Variants in ARHGEF7 observed in about 807,000 individuals in gnomAD.
The protein encoded by ARHGEF7 is PAK-interacting exchange factor beta.
A neutral mutation model predicts 109.8 loss-of-function variants in ARHGEF7; 33 were observed. The observed-to-expected ratio is 0.30, with a 90% CI of 0.23 to 0.40. The LOEUF is 0.40. Among genes scored for constraint, ARHGEF7 ranks in the 10% least tolerant of loss-of-function variants. The pLI, the probability that ARHGEF7 is intolerant of heterozygous loss-of-function variation, is 1.00. For synonymous variants in ARHGEF7, 458 were observed against 424.6 expected, an observed-to-expected ratio of 1.08 and a Z score of -0.97; for missense variants, 938 against 1,098.5, an observed-to-expected ratio of 0.85 and a Z score of 2.07.
intron 6 of ARHGEF7, chr13:111,241,421 G>A (rs2153541070): frequency 7.0e-7 from 1 of 1,428,052 alleles, no homozygotes. Context: ...GCTGGAGTCA[G>A]GGAGCCAGGC....
At chr13:111,279,450 G>GT (rs2092667795) in intron 13 of ARHGEF7, among the ~76,000 whole-genome samples, 1 of 152,170 alleles carries the variant, frequency 6.6e-6, no homozygotes, top group Admixed American at 6.6e-5. Context: ...GTGGGGGCAC[G>GT]TTCCCCACAC....
At position 111,303,082 on chromosome 13, in the gene ARHGEF7, A is replaced by T; in HGVS notation, c.2558A>T (p.Asn853Ile). 5 of 1,613,802 alleles carry T rather than the reference A, an allele frequency of 3.1e-6. No individual in the cohort carries two copies. The highest frequency in any genetic ancestry group is 3.4e-6 in the Non-Finnish European group (4 of 1,179,796). The change falls in exon 22 of 22, where the codon AAT (asparagine) becomes ATT (isoleucine). Residue 853 changes from asparagine (N) to isoleucine (I), a missense_variant. Physicochemically the swap from Asn to Ile is moderately radical, Grantham distance 149. This residue lies in a region of ARHGEF7 where 166 missense variants were observed against 167.3 expected (regional missense o/e 0.99). Coordinates refer to ENST00000646102, the MANE Select transcript of ARHGEF7 (RefSeq NM_001354046.2). Reference protein sequence around the residue: ...KLVRKVLKNMNDPAWDETNL With the variant: ...KLVRKVLKNMIDPAWDETNL Reference sequence around the variant, plus strand: ...GTGAGGAAAGTCCTGAAGAACATGAATGATCCTGCCTGGGATGAGACCAAT... The same window carrying T: ...GTGAGGAAAGTCCTGAAGAACATGATTGATCCTGCCTGGGATGAGACCAAT...
chr13:111,128,710 T>C (rs531692876), intron 1 of ARHGEF7, among the ~76,000 whole-genome samples: 1 of 152,148 alleles, frequency 6.6e-6, no homozygotes, highest in East Asian at 1.9e-4. Flanking sequence ...ACATGTACAC[T>C]CTCAGCAACA....
At chr13:111,288,530 C>G in intron 18 of ARHGEF7, 87 bp downstream of exon 18, 2 of 1,030,616 alleles carry the variant, frequency 1.9e-6, no homozygotes, top group Non-Finnish European at 2.9e-6. Context: ...TTGTGGTAGG[C>G]CCCTTGCACA....
chr13:111,298,062 A>G (rs2093465963), intron 19 of ARHGEF7, among the ~76,000 whole-genome samples: 1 of 152,252 alleles, frequency 6.6e-6, no homozygotes, highest in African/African-American at 2.4e-5. Context: ...GGACAACTGG[A>G]TAATTGGTGG....
chr13:111,134,194 G>T (rs1310557754), intron 1 of ARHGEF7, among the ~76,000 whole-genome samples: 1 of 152,090 alleles, frequency 6.6e-6, no homozygotes, highest in African/African-American at 2.4e-5. Context: ...GTCTATCATT[G>T]TTGGATATTT....
rs1192630081 is a variant in ARHGEF7 at position 111,266,092 on chromosome 13, C to T, written c.951-1456C>T. Among the ~76,000 whole-genome samples, 1 of 152,106 alleles carries T rather than the reference C, an allele frequency of 6.6e-6. No homozygotes were observed. The highest frequency in any genetic ancestry group is 1.5e-5 in the Non-Finnish European group (1 of 68,016). ...TTTTGCATTCCTCTGTCATTTTGGTCACGTACCTGCTCTGGGAACTTCCCG... is the reference window on the plus strand; with the variant it reads ...TTTTGCATTCCTCTGTCATTTTGGTTACGTACCTGCTCTGGGAACTTCCCG... On this transcript the variant is annotated intron_variant, in intron 8 of 21. Transcript: ENST00000646102. The surrounding 1 kb of genome is among the most constrained non-coding windows in gnomAD (Gnocchi z 4.8).
chr13:111,266,853 G>C lies in ARHGEF7; in HGVS notation c.951-695G>C. 2.2e-6 allele frequency: 1 copy of C among 456,078 alleles called. No individual in the cohort carries two copies. Among genetic ancestry groups the C allele is most frequent in the Non-Finnish European group, 4.4e-6 (1 of 226,818 alleles). The allele number at this position is 456,078 out of a possible 1,614,324, so 28.3% of individuals were successfully genotyped here. ...ACACGTGCCCCTGCTCCGGGTTGTT[G>C]CTGTTGTCCTTCAGAAACTCTGAGG... is the stretch of plus-strand genomic sequence containing the variant. On this transcript the variant is annotated intron_variant, in intron 8 of 21. Coordinates refer to ENST00000646102, the MANE Select transcript of ARHGEF7 (RefSeq NM_001354046.2). This position sits in a 1 kb window ranked among gnomAD's most constrained non-coding sequence, Gnocchi z 4.8.
At chr13:111,297,229 G>A (rs557173522) in intron 19 of ARHGEF7, among the ~76,000 whole-genome samples, 2 of 152,194 alleles carry the variant, frequency 1.3e-5, no homozygotes, top group Non-Finnish European at 1.5e-5. Context: ...AAACTAGGCA[G>A]ATTATTAGAA....
chr13:111,244,504 G>C (rs956138799), intron 8 of ARHGEF7, among the ~76,000 whole-genome samples: 3 of 152,208 alleles, frequency 2.0e-5, no homozygotes, highest in Non-Finnish European at 4.4e-5. Context: ...ACTCAAGAAT[G>C]GTGATTTTTA....
intron 2 of ARHGEF7, among the ~76,000 whole-genome samples, chr13:111,202,635 T>C (rs1820398913): frequency 6.6e-6 from 1 of 152,214 alleles, no homozygotes; most frequent in South Asian, 2.1e-4. Context: ...TAGGGAACAA[T>C]TTAGTGTGCT....
intron 5 of ARHGEF7, among the ~76,000 whole-genome samples, chr13:111,226,890 A>G (rs1315198574): frequency 6.6e-6 from 1 of 152,238 alleles, no homozygotes; most frequent in African/African-American, 2.4e-5. Context: ...TTTGTGATTT[A>G]TGGGAGGAGG....
chr13:111,259,407 TTCTC>T (rs1233644463), intron 8 of ARHGEF7, among the ~76,000 whole-genome samples: 2 of 152,106 alleles, frequency 1.3e-5, no homozygotes, highest in Non-Finnish European at 2.9e-5. Context: ...CTCTCTGTCT[TTCTC>T]TCTCTCTGTT....
intron 4 of ARHGEF7, among the ~76,000 whole-genome samples, chr13:111,217,401 G>A (rs536303169): frequency 9.7e-4 from 148 of 152,314 alleles, no homozygotes; most frequent in African/African-American, 1.8e-3. Flanking sequence ...GGAGAAGTGC[G>A]TGTAGTGTGA....
At chr13:111,153,865 T>G (rs2076071236) in intron 1 of ARHGEF7, 40 bp from the exon 2 acceptor site, 4 of 1,578,436 alleles carry the variant, frequency 2.5e-6, no homozygotes, top group Middle Eastern at 1.7e-4. Context: ...GCGTCCCCGC[T>G]GCCGGCCACG....
intron 2 of ARHGEF7, among the ~76,000 whole-genome samples, chr13:111,162,127 A>G (rs907903898): frequency 2.0e-5 from 3 of 152,260 alleles, no homozygotes; most frequent in African/African-American, 4.8e-5. Context: ...TGCCAGTAGC[A>G]GTACATGAGA....
chr13:111,236,425 A>G (rs994921438), intron 6 of ARHGEF7, among the ~76,000 whole-genome samples: 14 of 151,994 alleles, frequency 9.2e-5, no homozygotes, highest in African/African-American at 3.4e-4. Flanking sequence ...TGAAAACTGG[A>G]TATCTTAGAC....
chr13:111,267,082 T>A lies in ARHGEF7; in HGVS notation c.951-466T>A, dbSNP rs531930801. 3.1e-4 allele frequency among the ~76,000 whole-genome samples: 47 copies of A among 152,340 alleles called. No individual in the cohort carries two copies. In the South Asian group the frequency reaches 9.3e-3, roughly 30 times the overall value. On this transcript the variant is annotated intron_variant, in intron 8 of 21. Coordinates refer to ENST00000646102, the MANE Select transcript of ARHGEF7 (RefSeq NM_001354046.2). ...CTGTTAACTGTCAGGATGCTGTGGA[T>A]CTGGGGAGGAGAGGCACCTGATAGG... is the stretch of plus-strand genomic sequence containing the variant.
chr13:111,203,286 A>G (rs1182227965), intron 2 of ARHGEF7, among the ~76,000 whole-genome samples: 1 of 152,254 alleles, frequency 6.6e-6, no homozygotes, highest in African/African-American at 2.4e-5. Context: ...TTTGCATATA[A>G]GGAAGCTGAG....
Sources: gnomAD v4.1 joint callset for allele counts (sites outside exome capture counted in the v4.1 genomes callset) on GRCh38, gnomAD v4.1.1 for gene constraint, gnomAD v4.1.1 regional missense constraint, Gnocchi (gnomAD v3.1) non-coding constraint, MANE v1.5 for transcripts, NCBI Gene and HGNC (gene_info 2026-07-23, HGNC 2026-07-21) for gene names.